ADGRB3: variants seen among roughly 807,000 people sequenced by gnomAD.
ADGRB3 encodes the protein brain-specific angiogenesis inhibitor 3.
A neutral mutation model predicts 193.4 loss-of-function variants in ADGRB3; 37 were observed. The ratio of observed to expected loss-of-function variants is 0.19; its 90% CI spans 0.15 to 0.25. The LOEUF (loss-of-function observed/expected upper bound fraction) is 0.25, where lower values mean the gene tolerates loss of function less well. ADGRB3 is among the 10% of genes least tolerant of loss of function. ADGRB3 has a pLI of 1.00. For missense variants in ADGRB3, 1,637 were observed against 1,852.9 expected (o/e 0.88, Z 2.14); for synonymous variants, 690 against 644.2 (o/e 1.07, Z -1.08).
At chr6:68,997,368 C>A (rs72906798) in intron 11 of ADGRB3, among the ~76,000 whole-genome samples, 7 of 151,598 alleles carry the variant, frequency 4.6e-5, no homozygotes, top group Admixed American at 2.0e-4. Context: ...TTAAACCAGG[C>A]GCAGTGGCTC....
intron 3 of ADGRB3, among the ~76,000 whole-genome samples, chr6:68,703,260 TAG>T (rs1304084806): frequency 2.6e-5 from 4 of 152,180 alleles, no homozygotes; most frequent in South Asian, 4.1e-4. Context: ...ATTAATAATT[TAG>T]AGTTATAAAT....
At chr6:69,249,127 A>G (rs776528467) in intron 20 of ADGRB3, among the ~76,000 whole-genome samples, 1 of 152,082 alleles carries the variant, frequency 6.6e-6, no homozygotes, top group Non-Finnish European at 1.5e-5. Context: ...ACAGGTGTGC[A>G]TCACCATGCC....
At chr6:69,213,643 A>G (rs1303346087) in intron 17 of ADGRB3, among the ~76,000 whole-genome samples, 1 of 152,172 alleles carries the variant, frequency 6.6e-6, no homozygotes, top group East Asian at 1.9e-4. Flanking sequence ...TTTACTTGAT[A>G]CACTCCTGGC....
intron 3 of ADGRB3, among the ~76,000 whole-genome samples, chr6:68,765,437 C>T (rs972494327): frequency 9.9e-5 from 15 of 151,846 alleles, no homozygotes; most frequent in African/African-American, 3.1e-4. Context: ...TAACACCGAT[C>T]GCATTTTCTG....
chr6:68,683,851 C>A (rs1322074153), intron 3 of ADGRB3, among the ~76,000 whole-genome samples: 1 of 152,088 alleles, frequency 6.6e-6, no homozygotes, highest in African/African-American at 2.4e-5. Flanking sequence ...AATGCAGTGG[C>A]CTGCTTGGAC....
intron 16 of ADGRB3, among the ~76,000 whole-genome samples, chr6:69,074,690 G>A (rs1007539466): frequency 6.6e-6 from 1 of 151,886 alleles, no homozygotes; most frequent in African/African-American, 2.4e-5. Flanking sequence ...GACTACAGGC[G>A]CCTGCCACCA....
intron 17 of ADGRB3, among the ~76,000 whole-genome samples, chr6:69,194,836 A>T (rs2150355988): frequency 6.6e-6 from 1 of 152,290 alleles, no homozygotes; most frequent in Middle Eastern, 3.4e-3. Context: ...CTCTTGCCAC[A>T]GTACAGCTAA....
At chr6:68,980,971 A>C (rs1276297124) in intron 10 of ADGRB3, among the ~76,000 whole-genome samples, 1 of 151,564 alleles carries the variant, frequency 6.6e-6, no homozygotes, top group East Asian at 1.9e-4. Flanking sequence ...CGTAGTACAC[A>C]TTCAGTAACT....
intron 3 of ADGRB3, among the ~76,000 whole-genome samples, chr6:68,704,762 GTAA>G (rs1433204175): frequency 1.4e-4 from 21 of 152,144 alleles, no homozygotes; most frequent in Non-Finnish European, 2.9e-4. Context: ...CTTTTAGCAG[GTAA>G]AGCTTGAAAT....
At chr6:68,759,228 A>G (rs997286541) in intron 3 of ADGRB3, among the ~76,000 whole-genome samples, 1 of 152,154 alleles carries the variant, frequency 6.6e-6, no homozygotes, top group Non-Finnish European at 1.5e-5. Context: ...GAGTGTATAC[A>G]TAGCCATTCA....
In ADGRB3 at chr6:69,352,291, C is replaced by T. The variant is rs1039641916; in HGVS notation, c.3460-1942C>T. 1.8e-4 allele frequency among the ~76,000 whole-genome samples: 27 copies of T among 152,246 alleles called. 1 individual carries two copies. The East Asian group carries it at 5.2e-3, about 29-fold the overall frequency. ...ACATCTGAAAAATCTAATTTTATCC[C>T]AGTTGTGTCTCCTTTACCAGGAAAA... On this transcript the variant is annotated intron_variant, in intron 26 of 31. Transcript: ENST00000370598.
At position 68,639,070 on chromosome 6, in the gene ADGRB3, G is replaced by A. The variant is rs183409987; in HGVS notation, c.395G>A (p.Arg132Gln). The A allele has an allele frequency of 1.3e-5, 21 of 1,613,880 alleles. No individual in the cohort carries two copies. In the East Asian group the frequency reaches 2.7e-4, roughly 21 times the overall value. ...GATAAAAATTTTATTCAAATACGTC[G>A]AGTATTTCCAACTAATTTCCCAGGA... ...QYDKNFIQIR[R>Q]VFPTNFPGLQ... Residue 132 changes from arginine (R) to glutamine (Q), a missense_variant, in exon 3 of 32, where the codon CGA becomes CAA. By Grantham distance (43) the Arg-to-Gln change is conservative. Transcript: ENST00000370598.
intron 13 of ADGRB3, among the ~76,000 whole-genome samples, chr6:69,031,440 C>CAAAAA (rs540284027): frequency 1.7e-5 from 2 of 118,524 alleles, no homozygotes; most frequent in African/African-American, 3.2e-5. Context: ...GACTCCATCT[C>CAAAAA]AAAAAAAAAA....
chr6:69,313,145 A>T (rs950478538), intron 20 of ADGRB3, among the ~76,000 whole-genome samples: 2 of 151,864 alleles, frequency 1.3e-5, no homozygotes, highest in Admixed American at 1.3e-4. Flanking sequence ...TCCTGGATGC[A>T]CATTAGAATC....
intron 20 of ADGRB3, among the ~76,000 whole-genome samples, chr6:69,267,444 C>A (rs1417536892): frequency 6.6e-6 from 1 of 152,072 alleles, no homozygotes; most frequent in African/African-American, 2.4e-5. Flanking sequence ...TAGTCTTCTC[C>A]CATCATCAAA....
At chr6:68,648,317 A>G (rs936380969) in intron 3 of ADGRB3, among the ~76,000 whole-genome samples, 2 of 152,138 alleles carry the variant, frequency 1.3e-5, no homozygotes, top group African/African-American at 4.8e-5. Context: ...TGCCTGAGGC[A>G]TGTTATAAAA....
chr6:68,744,667 C>T (rs4507548), intron 3 of ADGRB3, among the ~76,000 whole-genome samples: 54,657 of 151,834 alleles, frequency 0.36, 10,696 homozygotes, highest in East Asian at 0.65. Flanking sequence ...TGTTCTCACT[C>T]ATAAGTGGGA....
In ADGRB3 at chr6:68,711,256, T is replaced by C. The variant is rs533333652; in HGVS notation, c.757+71824T>C. Among the ~76,000 whole-genome samples the C allele has an allele frequency of 1.3e-3, 200 of 152,196 alleles. No homozygotes were observed. The Middle Eastern group carries it at 0.014, about 10-fold the overall frequency. On this transcript the variant is annotated intron_variant, in intron 3 of 31. Coordinates refer to ENST00000370598, the MANE Select transcript of ADGRB3 (RefSeq NM_001704.3). Reference sequence around the variant, plus strand: ...TTTTCTCTTCTCTCTTTTACAGTTATTATAAAATTGTCTTGAATTCCTATT... The same window carrying C: ...TTTTCTCTTCTCTCTTTTACAGTTACTATAAAATTGTCTTGAATTCCTATT...
intron 3 of ADGRB3, among the ~76,000 whole-genome samples, chr6:68,891,627 T>C (rs73747820): frequency 0.028 from 4,236 of 152,174 alleles, 204 homozygotes; most frequent in African/African-American, 0.095. Flanking sequence ...GTAGTGCCAT[T>C]AATGAAAATA....
Sources: gnomAD v4.1 joint callset for allele counts (sites outside exome capture counted in the v4.1 genomes callset) on GRCh38, gnomAD v4.1.1 for gene constraint, MANE v1.5 for transcripts, NCBI Gene and HGNC (gene_info 2026-07-23, HGNC 2026-07-21) for gene names.